The following RIN3 variants were observed in gnomAD, a reference collection of about 807,000 sequenced individuals.
RIN3 encodes RAB5 interacting protein 3.
RIN3 carries 54 observed loss-of-function variants against 76.3 expected under a neutral mutation model. The observed-to-expected ratio is 0.71, with a 90% CI of 0.57 to 0.89. The LOEUF is 0.89. Among genes scored for constraint, RIN3 ranks in the 40% least tolerant of loss-of-function variants. The pLI, the probability that RIN3 is intolerant of heterozygous loss-of-function variation, is 0.00. For missense variants in RIN3, 1,256 were observed against 1,322.1 expected (o/e 0.95, Z 0.78); for synonymous variants, 576 against 564.0 (o/e 1.02, Z -0.30).
At chr14:92,597,785 C>T (rs778305517) in intron 3 of RIN3, among the ~76,000 whole-genome samples, 2 of 152,100 alleles carry the variant, frequency 1.3e-5, no homozygotes, top group Non-Finnish European at 2.9e-5. Flanking sequence ...TCTGTGTAGC[C>T]CGACCTAGAA....
At position 92,577,360 on chromosome 14, in the gene RIN3, A is replaced by G. The variant is rs1353561433; in HGVS notation, c.250A>G (p.Met84Val). ...ARILHRVVAGMFLVRRDSSSK... is the reference protein window; with the variant it reads ...ARILHRVVAGVFLVRRDSSSK... ...GCTGCATCCCCTTCTTTGGTTTCAG[A>G]TGTTCCTGGTTCGCCGGGACAGCAG... Residue 84 changes from methionine to valine, a missense_variant and splice_region_variant, in exon 3 of 10, where the codon ATG becomes GTG. This residue lies in a region of RIN3 where 610 missense variants were observed against 626.4 expected (regional missense o/e 0.97). Transcript: ENST00000216487. 1.9e-6 allele frequency: 3 copies of G among 1,610,840 alleles called. No homozygotes were observed. Among genetic ancestry groups the G allele is most frequent in the African/African-American group, 1.3e-5 (1 of 74,804 alleles).
intron 1 of RIN3, 50 bp from the exon 2 acceptor site, chr14:92,555,701 C>T: frequency 6.3e-7 from 1 of 1,586,228 alleles, no homozygotes; most frequent in Non-Finnish European, 8.7e-7. Flanking sequence ...TGTTATAAAC[C>T]TTCTCTGGGC....
At chr14:92,537,847 T>A (rs148261246) in intron 1 of RIN3, among the ~76,000 whole-genome samples, 65 of 141,908 alleles carry the variant, frequency 4.6e-4, no homozygotes, top group Non-Finnish European at 7.4e-4. Context: ...ATTTATTTTT[T>A]TTTTTTTGAG....
chr14:92,687,808 C>A, intron 9 of RIN3, 118 bp from the exon 10 acceptor site: 1 of 912,608 alleles, frequency 1.1e-6, no homozygotes, highest in Non-Finnish European at 1.6e-6. Context: ...AGGTGCCGGA[C>A]TCGCAGACAG....
intron 3 of RIN3, among the ~76,000 whole-genome samples, chr14:92,612,688 G>A (rs1470425541): frequency 6.6e-6 from 1 of 152,276 alleles, no homozygotes; most frequent in Non-Finnish European, 1.5e-5. Flanking sequence ...AGTCAGGAAT[G>A]GAAAGGTGGC....
chr14:92,523,548 G>A (rs568615618), intron 1 of RIN3, among the ~76,000 whole-genome samples: 7 of 152,326 alleles, frequency 4.6e-5, no homozygotes, highest in East Asian at 1.9e-4. Context: ...TTTGCAGGGC[G>A]ACCTGCAAGT....
At chr14:92,596,989 T>G (rs1003312823) in intron 3 of RIN3, among the ~76,000 whole-genome samples, 12 of 152,154 alleles carry the variant, frequency 7.9e-5, no homozygotes, top group African/African-American at 7.2e-5. Context: ...TTGTTTGTTT[T>G]TTTTCCCTCC....
At chr14:92,680,810 G>A (rs1362992443) in intron 8 of RIN3, among the ~76,000 whole-genome samples, 3 of 152,228 alleles carry the variant, frequency 2.0e-5, no homozygotes, top group East Asian at 1.9e-4. Flanking sequence ...TCCACGTGCT[G>A]CAGTTTAGCA....
intron 4 of RIN3, among the ~76,000 whole-genome samples, chr14:92,629,152 AGATTGATT>A (rs1243823112): frequency 6.3e-5 from 7 of 110,550 alleles, no homozygotes; most frequent in African/African-American, 2.5e-4. Context: ...AGAGAGAGAG[AGATTGATT>A]GATTGATTGA....
At chr14:92,533,092 T>C (rs1896921533) in intron 1 of RIN3, among the ~76,000 whole-genome samples, 1 of 152,204 alleles carries the variant, frequency 6.6e-6, no homozygotes, top group African/African-American at 2.4e-5. Context: ...AACATGCATA[T>C]AGTTTTCCTC....
At chr14:92,679,584 A>C (rs928586805) in intron 8 of RIN3, among the ~76,000 whole-genome samples, 11 of 152,290 alleles carry the variant, frequency 7.2e-5, no homozygotes, top group Non-Finnish European at 1.3e-4. Context: ...GTCCCAGGGC[A>C]GAGGGGCAAG....
intron 7 of RIN3, among the ~76,000 whole-genome samples, chr14:92,673,499 A>G (rs1888357662): frequency 6.7e-6 from 1 of 148,590 alleles, no homozygotes; most frequent in Non-Finnish European, 1.5e-5. Flanking sequence ...CATGATGAAC[A>G]AAATATCCAC....
intron 3 of RIN3, among the ~76,000 whole-genome samples, chr14:92,603,200 A>G (rs1214635120): frequency 6.6e-6 from 1 of 152,168 alleles, no homozygotes; most frequent in African/African-American, 2.4e-5. Flanking sequence ...CTGGAAACAT[A>G]CAAACTCCAG....
rs571282585 is a variant in RIN3 at position 92,688,460 on chromosome 14, C to G, written c.*208C>G. ...GCAAGTCCTAATAGCCCTGAGACACCGAGACGGCATGTTCTTCATTAGACG... is the reference window on the plus strand; with the variant it reads ...GCAAGTCCTAATAGCCCTGAGACACGGAGACGGCATGTTCTTCATTAGACG... On this transcript the variant is annotated 3_prime_UTR_variant, in exon 10 of 10. Transcript: ENST00000216487. 1 of 573,734 alleles carries G rather than the reference C, an allele frequency of 1.7e-6. No individual in the cohort carries two copies. The highest frequency in any genetic ancestry group is 3.0e-5 in the East Asian group (1 of 33,858). The allele number at this position is 573,734 out of a possible 1,614,324, so 35.5% of individuals were successfully genotyped here. A position where few individuals can be genotyped will look rare whatever the true frequency, so the allele number is the denominator to read the frequency against.
rs143646034 is a variant in RIN3 at position 92,517,778 on chromosome 14, A to G, written c.44+3802A>G. On this transcript the variant is annotated intron_variant, in intron 1 of 9. Transcript: ENST00000216487. ...GAAAATCACAACTTTAATGACTTCC[A>G]AACTGGATCTCCCCTCCGTCCTACC... Among the ~76,000 whole-genome samples, 318 of 152,308 alleles carry G rather than the reference A, an allele frequency of 2.1e-3. 2 individuals carry two copies. The highest frequency in any genetic ancestry group is 7.4e-3 in the African/African-American group (307 of 41,556).
At chr14:92,631,608 C>T (rs1468594048) in intron 4 of RIN3, among the ~76,000 whole-genome samples, 6 of 151,634 alleles carry the variant, frequency 4.0e-5, no homozygotes, top group Middle Eastern at 3.4e-3. Flanking sequence ...TTTTTGGCGG[C>T]GGCGGGAGTG....
chr14:92,536,524 A>G (rs1238516713), intron 1 of RIN3, among the ~76,000 whole-genome samples: 5 of 152,116 alleles, frequency 3.3e-5, no homozygotes, highest in Admixed American at 3.3e-4. Flanking sequence ...TGGGCAGATC[A>G]CGAGGTCAGG....
chr14:92,556,560 A>G (rs1162423161), intron 2 of RIN3, among the ~76,000 whole-genome samples: 3 of 150,744 alleles, frequency 2.0e-5, no homozygotes, highest in South Asian at 2.1e-4. Flanking sequence ...GAATGGACAG[A>G]TGGATGGACA....
intron 3 of RIN3, among the ~76,000 whole-genome samples, chr14:92,612,642 G>A (rs1035691074): frequency 4.6e-5 from 7 of 152,236 alleles, no homozygotes; most frequent in Admixed American, 6.5e-5. Context: ...GGGTCTCCCC[G>A]TGTGTTGCCT....
Sources: gnomAD v4.1 joint callset for allele counts (sites outside exome capture counted in the v4.1 genomes callset) on GRCh38, gnomAD v4.1.1 for gene constraint, gnomAD v4.1.1 regional missense constraint, MANE v1.5 for transcripts, NCBI Gene and HGNC (gene_info 2026-07-23, HGNC 2026-07-21) for gene names.